The following NEUROD1 variants were observed in gnomAD, a reference collection of about 807,000 sequenced individuals.
NEUROD1 encodes neuronal differentiation 1.
NEUROD1 carries 9 observed loss-of-function variants against 21.8 expected under a neutral mutation model. The observed-to-expected ratio is 0.41, with a 90% CI of 0.25 to 0.72. The LOEUF (loss-of-function observed/expected upper bound fraction) is 0.72. NEUROD1 is among the 30% of genes least tolerant of loss of function. The probability of loss-of-function intolerance (pLI) is 0.31; values close to 1 mark genes in which losing one functional copy is unlikely to be tolerated. For synonymous variants in NEUROD1, 199 were observed against 186.2 expected (o/e 1.07, Z -0.56); for missense variants, 434 against 468.8 (o/e 0.93, Z 0.69).
chr2:181,673,433 T>C (rs1688524637), downstream of NEUROD1: 1 of 152,250 alleles, frequency 6.6e-6, no homozygotes, highest in South Asian at 2.1e-4. Context: ...TATGCCACCA[T>C]ACAAATCACT....
downstream of NEUROD1, among the ~76,000 whole-genome samples, chr2:181,669,174 G>GCAACAACAAAT (rs1688462442): frequency 1.3e-5 from 2 of 152,080 alleles, no homozygotes; most frequent in Admixed American, 1.3e-4. Flanking sequence ...AAATGAGCAA[G>GCAACAACAAAT]CAACAACAAA....
At chr2:181,672,146 C>T (rs1233366944), downstream of NEUROD1, among the ~76,000 whole-genome samples, 1 of 152,030 alleles carries the variant, frequency 6.6e-6, no homozygotes, top group Non-Finnish European at 1.5e-5. Context: ...ATTCCAATTC[C>T]AGATTATATT....
chr2:181,668,953 C>G (rs1280644819), downstream of NEUROD1, among the ~76,000 whole-genome samples: 1 of 152,150 alleles, frequency 6.6e-6, no homozygotes. Flanking sequence ...TGTCACATAA[C>G]AGGACCTGGT....
Position 181,677,898 on chromosome 2 carries a change from G to A in NEUROD1, c.963C>T (p.Thr321=), listed in dbSNP as rs780896354. The stretch of plus-strand genomic sequence containing the variant: ...TGGGGATCTCGCAGCGAGGGGCAGC[G>A]GTGCCTGAGAAGATTGATCCGTGGC... The part of the protein sequence containing the change: ...AQSHGSIFSG[T]AAPRCEIPID... The change falls in exon 2 of 2, where the codon ACC becomes ACT. Residue 321 remains threonine, a synonymous_variant. Coordinates refer to ENST00000295108, the MANE Select transcript of NEUROD1 (RefSeq NM_002500.5). 1 of 1,614,208 alleles carries A rather than the reference G, an allele frequency of 6.2e-7. No individual in the cohort carries two copies. The highest frequency in any genetic ancestry group is 8.5e-7 in the Non-Finnish European group (1 of 1,180,034).
chr2:181,671,589 C>T (rs141725583), downstream of NEUROD1, among the ~76,000 whole-genome samples: 934 of 152,094 alleles, frequency 6.1e-3, 7 homozygotes, highest in African/African-American at 0.021. Flanking sequence ...TGCCATCATG[C>T]ACCACTAGTT....
downstream of NEUROD1, among the ~76,000 whole-genome samples, chr2:181,668,312 G>A (rs1009849268): frequency 4.6e-5 from 7 of 151,966 alleles, no homozygotes; most frequent in African/African-American, 1.7e-4. Context: ...TCTTGATTGA[G>A]GCTTGCCCTT....
chr2:181,678,692 C>T lies in NEUROD1; in HGVS notation c.169G>A (p.Gly57Arg). 9 of 1,611,668 alleles carry T rather than the reference C, an allele frequency of 5.6e-6. No individual in the cohort carries two copies. Among genetic ancestry groups the T allele is most frequent in the Non-Finnish European group, 7.6e-6 (9 of 1,178,680 alleles). ...NAEEDSLRNG[G>R]EEEDEDEDLE... ...TCCTCATCTTCGTCCTCCTCCTCTC[C>T]CCCGTTCCTCAGTGAGTCCTCCTCT... Residue 57 changes from glycine (G) to arginine (R), a missense_variant, in exon 2 of 2, where the codon GGA becomes AGA. Physicochemically the swap from Gly to Arg is moderately radical, Grantham distance 125. Transcript: ENST00000295108. The surrounding 1 kb of genome is among the most constrained non-coding windows in gnomAD (Gnocchi z 5.5).
rs1430324448 is a variant in NEUROD1 at position 181,677,079 on chromosome 2, C to A, written c.*711G>T. ...TTTTTATTTTAGGGAGACGGAAAGA[C>A]TTTAAAGTGAAATGAATTGCTCAAA... On this transcript the variant is annotated 3_prime_UTR_variant, in exon 2 of 2. Coordinates refer to ENST00000295108, the MANE Select transcript of NEUROD1 (RefSeq NM_002500.5). 1 of 115,042 alleles carries A rather than the reference C, an allele frequency of 8.7e-6. No individual in the cohort carries two copies. The highest frequency in any genetic ancestry group is 1.0e-4 in the Admixed American group (1 of 9,800). 7.1% of individuals were successfully genotyped at this position (115,042 alleles called of 1,614,324 possible).
chr2:181,678,578 G>A lies in NEUROD1; in HGVS notation c.283C>T (p.Arg95Cys), dbSNP rs925185201. The A allele has an allele frequency of 2.5e-6, 4 of 1,614,230 alleles. No individual in the cohort carries two copies. The highest frequency in any genetic ancestry group is 3.4e-6 in the Non-Finnish European group (4 of 1,180,040). ...GPKKKKMTKA[R>C]LERFKLRRMK... is the part of the protein sequence containing the mutation. The stretch of plus-strand genomic sequence containing the variant: ...CGTCTCAATTTAAAACGCTCCAGGC[G>A]AGCCTTAGTCATCTTCTTCTTTTTG... Residue 95 changes from arginine to cysteine, a missense_variant, in exon 2 of 2, where the codon CGC becomes TGC. Coordinates refer to ENST00000295108, the MANE Select transcript of NEUROD1 (RefSeq NM_002500.5). The surrounding 1 kb of genome is among the most constrained non-coding windows in gnomAD (Gnocchi z 5.5).
At position 181,678,219 on chromosome 2, in the gene NEUROD1, G is replaced by A. The variant is rs1297270243; in HGVS notation, c.642C>T (p.Phe214=). 6.2e-7 allele frequency: 1 copy of A among 1,614,184 alleles called. No individual in the cohort carries two copies. Among genetic ancestry groups the A allele is most frequent in the Non-Finnish European group, 8.5e-7 (1 of 1,180,028 alleles). The part of the protein sequence containing the change: ...PPHLPTASAS[F]PVHPYSYQSP... ...ACTGGTAGGAGTAGGGGTGTACAGG[G>A]AAGGAAGCGCTGGCCGTCGGCAGGT... The change falls in exon 2 of 2, where the codon TTC becomes TTT. Residue 214 remains phenylalanine, a synonymous_variant. Transcript: ENST00000295108. This position sits in a 1 kb window ranked among gnomAD's most constrained non-coding sequence, Gnocchi z 5.5.
downstream of NEUROD1, among the ~76,000 whole-genome samples, chr2:181,674,975 TA>T (rs1457608354): frequency 6.6e-6 from 1 of 152,230 alleles, no homozygotes; most frequent in Admixed American, 6.5e-5. Flanking sequence ...TGTCTAATTT[TA>T]ATTGCAGGTG....
In NEUROD1 at chr2:181,678,287, G is replaced by C; in HGVS notation, c.574C>G (p.Pro192Ala). ...TTCTGCTCAGGCAGAAAAGTCCGAGGATTGAGTTGCAGGCAGCCCGCAACC... is the reference window on the plus strand; with the variant it reads ...TTCTGCTCAGGCAGAAAAGTCCGAGCATTGAGTTGCAGGCAGCCCGCAACC... ...NLVAGCLQLN[P>A]RTFLPEQNQD... The change falls in exon 2 of 2, where the codon CCT (proline) becomes GCT (alanine). Residue 192 changes from proline to alanine, a missense_variant. Transcript: ENST00000295108. The surrounding 1 kb of genome is among the most constrained non-coding windows in gnomAD (Gnocchi z 5.5). 6.2e-7 allele frequency: 1 copy of C among 1,614,140 alleles called. No homozygotes were observed. Among genetic ancestry groups the C allele is most frequent in the South Asian group, 1.1e-5 (1 of 91,080 alleles).
rs1688645485 is a variant in NEUROD1, at chr2:181,678,849, C to G, written c.12G>C (p.Ser4=). MTK[S]YSESGLMGEP... is the part of the protein sequence containing the mutation. ...CGCCCATCAGCCCACTCTCGCTGTA[C>G]GATTTGGTCATGTTTCGATTTCCTA... is the stretch of plus-strand genomic sequence containing the variant. Residue 4 remains serine (S), a synonymous_variant, in exon 2 of 2, where the codon TCG becomes TCC. Coordinates refer to ENST00000295108, the MANE Select transcript of NEUROD1 (RefSeq NM_002500.5). This position sits in a 1 kb window ranked among gnomAD's most constrained non-coding sequence, Gnocchi z 5.5. The G allele has an allele frequency of 1.2e-6, 2 of 1,613,880 alleles. No homozygotes were observed. The highest frequency in any genetic ancestry group is 1.7e-6 in the Non-Finnish European group (2 of 1,180,030).
chr2:181,678,686 C>T lies in NEUROD1; in HGVS notation c.175G>A (p.Glu59Lys), dbSNP rs553756272. ...EEDSLRNGGEEEDEDEDLEEE... is the reference protein window; with the variant it reads ...EEDSLRNGGEKEDEDEDLEEE... ...TCCAGGTCCTCATCTTCGTCCTCCT[C>T]CTCTCCCCCGTTCCTCAGTGAGTCC... is the stretch of plus-strand genomic sequence containing the variant. Residue 59 changes from glutamate to lysine, a missense_variant, in exon 2 of 2, where the codon GAG becomes AAG. By Grantham distance (56) the Glu-to-Lys change is moderately conservative (BLOSUM62 1). Transcript: ENST00000295108. The surrounding 1 kb of genome is among the most constrained non-coding windows in gnomAD (Gnocchi z 5.5). The T allele has an allele frequency of 6.2e-7, 1 of 1,611,808 alleles. No individual in the cohort carries two copies. Among genetic ancestry groups the T allele is most frequent in the Non-Finnish European group, 8.5e-7 (1 of 1,178,840 alleles).
chr2:181,677,858 A>C lies in NEUROD1; in HGVS notation c.1003T>G (p.Ser335Ala). 1.9e-6 allele frequency: 3 copies of C among 1,614,178 alleles called. No homozygotes were observed. Among genetic ancestry groups the C allele is most frequent in the Non-Finnish European group, 2.5e-6 (3 of 1,180,036 alleles). ...RCEIPIDNIMSFDSHSHHERV... is the reference protein window; with the variant it reads ...RCEIPIDNIMAFDSHSHHERV... ...TCATGATGTGAATGGCTATCGAAGG[A>C]CATAATATTGTCTATGGGGATCTCG... Residue 335 changes from serine (S) to alanine (A), a missense_variant, in exon 2 of 2, where the codon TCC becomes GCC. Coordinates refer to ENST00000295108, the MANE Select transcript of NEUROD1 (RefSeq NM_002500.5).
In NEUROD1 at chr2:181,678,714, C is replaced by T. The variant is rs1461335081; in HGVS notation, c.147G>A (p.Glu49=). 1 of 1,612,108 alleles carries T rather than the reference C, an allele frequency of 6.2e-7. No homozygotes were observed. The highest frequency in any genetic ancestry group is 8.5e-7 in the Non-Finnish European group (1 of 1,179,014). ...KEDDLETMNA[E]EDSLRNGGEE... Reference sequence around the variant, plus strand: ...CTCCCCCGTTCCTCAGTGAGTCCTCCTCTGCGTTCATGGTTTCGAGGTCGT... The same window carrying T: ...CTCCCCCGTTCCTCAGTGAGTCCTCTTCTGCGTTCATGGTTTCGAGGTCGT... The change falls in exon 2 of 2, where the codon GAG becomes GAA. Residue 49 remains glutamate, a synonymous_variant. Transcript: ENST00000295108. The surrounding 1 kb of genome is among the most constrained non-coding windows in gnomAD (Gnocchi z 5.5).
rs191731762 is a variant in NEUROD1 at position 181,677,526 on chromosome 2, A to T, written c.*264T>A. 7 of 461,576 alleles carry T rather than the reference A, an allele frequency of 1.5e-5. No homozygotes were observed. Among genetic ancestry groups the T allele is most frequent in the African/African-American group, 9.8e-5 (5 of 50,882 alleles). 28.6% of individuals were successfully genotyped at this position (461,576 alleles called of 1,614,324 possible). On this transcript the variant is annotated 3_prime_UTR_variant, in exon 2 of 2. Coordinates refer to ENST00000295108, the MANE Select transcript of NEUROD1 (RefSeq NM_002500.5). ...ATACGATCTGAATACAGCCACACCA[A>T]ATTCGTGGTGTATTTTTTAAACTTT...
rs1688573609 is a variant in NEUROD1, at chr2:181,676,496, G to A, written c.*1294C>T. 6.6e-6 allele frequency: 1 copy of A among 152,564 alleles called. No individual in the cohort carries two copies. The highest frequency in any genetic ancestry group is 1.5e-5 in the Non-Finnish European group (1 of 68,014). 9.5% of individuals were successfully genotyped at this position (152,564 alleles called of 1,614,324 possible). A position where few individuals can be genotyped will look rare whatever the true frequency, so the allele number is the denominator to read the frequency against. ...TTTCAATACTATTTTATTGCAACTG[G>A]ATGAATGTTTTCTAAATTGTGCATT... On this transcript the variant is annotated 3_prime_UTR_variant, in exon 2 of 2. Transcript: ENST00000295108.
chr2:181,675,328 T>G (rs1482279240), downstream of NEUROD1, among the ~76,000 whole-genome samples: 1 of 152,280 alleles, frequency 6.6e-6, no homozygotes, highest in Non-Finnish European at 1.5e-5. Context: ...CTGTCACAGC[T>G]TGACGCAGCC....
Sources: gnomAD v4.1 joint callset for allele counts (sites outside exome capture counted in the v4.1 genomes callset) on GRCh38, gnomAD v4.1.1 for gene constraint, Gnocchi (gnomAD v3.1) non-coding constraint, MANE v1.5 for transcripts, NCBI Gene and HGNC (gene_info 2026-07-23, HGNC 2026-07-21) for gene names.